The following SUSD4 variants were observed in gnomAD, a reference collection of about 807,000 sequenced individuals.
SUSD4 encodes sushi domain containing 4.
In SUSD4, 41 loss-of-function variants were observed where a neutral mutation model predicts 50.5. That is an observed-to-expected ratio of 0.81 (90% CI 0.63 to 1.05). SUSD4 has a LOEUF of 1.05. Among genes scored for constraint, SUSD4 ranks in the 50% least tolerant of loss-of-function variants. The probability of loss-of-function intolerance (pLI) is 0.00; values close to 1 mark genes in which losing one functional copy is unlikely to be tolerated. For missense variants in SUSD4, 580 were observed against 634.7 expected, an observed-to-expected ratio of 0.91 and a Z score of 0.93; for synonymous variants, 257 against 257.3, an observed-to-expected ratio of 1.00 and a Z score of 0.01.
chr1:223,337,572 A>G (rs1667529344), intron 2 of SUSD4, among the ~76,000 whole-genome samples: 1 of 152,200 alleles, frequency 6.6e-6, no homozygotes, highest in Non-Finnish European at 1.5e-5. Context: ...ACCTAACACC[A>G]GGGGAGTAAG....
chr1:223,229,348 G>A lies in SUSD4; in HGVS notation c.765C>T (p.Val255=). The change falls in exon 6 of 9, where the codon GTC becomes GTT. Residue 255 remains valine, a synonymous_variant. Transcript: ENST00000366878. This position sits in a 1 kb window ranked among gnomAD's most constrained non-coding sequence, Gnocchi z 4.7. ...LPPMVSHGDF[V]CHPRPCERYN... ...AGCGCTCACAAGGCCGCGGGTGGCA[G>A]ACGAAATCTCCGTGACTCACCATTG... The A allele has an allele frequency of 6.2e-7, 1 of 1,605,828 alleles. No individual in the cohort carries two copies. The highest frequency in any genetic ancestry group is 8.5e-7 in the Non-Finnish European group (1 of 1,173,578).
chr1:223,304,766 C>T (rs75624409), intron 2 of SUSD4, among the ~76,000 whole-genome samples: 4,937 of 112,642 alleles, frequency 0.044, 145 homozygotes, highest in East Asian at 0.12. Flanking sequence ...TGGGTAAGTT[C>T]CTTAACCTCT....
intron 3 of SUSD4, among the ~76,000 whole-genome samples, chr1:223,274,155 C>G (rs1571942975): frequency 6.6e-6 from 1 of 152,166 alleles, no homozygotes; most frequent in East Asian, 1.9e-4. Context: ...TTCTGCTGTT[C>G]TAAAGAACTG....
intron 2 of SUSD4, among the ~76,000 whole-genome samples, chr1:223,352,196 A>G (rs1315935589): frequency 6.6e-6 from 1 of 152,220 alleles, no homozygotes; most frequent in Non-Finnish European, 1.5e-5. Context: ...TGCAAAGGCA[A>G]CTGCTACAGA....
At position 223,289,273 on chromosome 1, in the gene SUSD4, A is replaced by G. The variant is rs567908110; in HGVS notation, c.361+3166T>C. The G allele has an allele frequency of 2.4e-5, 24 of 985,476 alleles. No individual in the cohort carries two copies. In the South Asian group the frequency reaches 7.5e-4, roughly 31 times the overall value. 61.0% of individuals were successfully genotyped at this position (985,476 alleles called of 1,614,324 possible). A position where few individuals can be genotyped will look rare whatever the true frequency, so the allele number is the denominator to read the frequency against. The stretch of plus-strand genomic sequence containing the variant: ...GTCATGCAGGCTCCAGTCTTGCAGA[A>G]GCAGCTTGAAGAAGCACAGACATCT... On this transcript the variant is annotated intron_variant, in intron 3 of 8. Transcript: ENST00000366878.
intron 2 of SUSD4, among the ~76,000 whole-genome samples, chr1:223,308,669 T>C (rs1424818641): frequency 6.6e-6 from 1 of 152,226 alleles, no homozygotes; most frequent in Non-Finnish European, 1.5e-5. Flanking sequence ...CCTCATTTTA[T>C]AGTAGAGAAA....
In SUSD4 at chr1:223,221,353, A is replaced by G. The variant is rs960936348; in HGVS notation, c.*839T>C. On this transcript the variant is annotated 3_prime_UTR_variant, in exon 9 of 9. Transcript: ENST00000366878. ...TAAGTGGAGTCTTTTTAAAATGCTG[A>G]AACAAAACATTACCTTGGTTACTGT... 1 of 363,076 alleles carries G rather than the reference A, an allele frequency of 2.8e-6. No individual in the cohort carries two copies. Among genetic ancestry groups the G allele is most frequent in the African/African-American group, 2.1e-5 (1 of 47,984 alleles). 22.5% of individuals were successfully genotyped at this position (363,076 alleles called of 1,614,324 possible).
At chr1:223,364,559 C>T (rs576666543), upstream of SUSD4, among the ~76,000 whole-genome samples, 1 of 150,498 alleles carries the variant, frequency 6.6e-6, no homozygotes, top group Non-Finnish European at 1.5e-5. This position sits in a 1 kb window ranked among gnomAD's most constrained non-coding sequence, Gnocchi z 4.5. Context: ...CGGTCTTGCA[C>T]ACGCACGCAG....
At chr1:223,331,553 A>G (rs1667173916) in intron 2 of SUSD4, among the ~76,000 whole-genome samples, 1 of 151,870 alleles carries the variant, frequency 6.6e-6, no homozygotes, top group South Asian at 2.1e-4. Context: ...CAGTCTTTCC[A>G]CTCCGCCTAC....
At chr1:223,354,589 G>T (rs1274913501) in intron 2 of SUSD4, among the ~76,000 whole-genome samples, 2 of 152,110 alleles carry the variant, frequency 1.3e-5, no homozygotes, top group Non-Finnish European at 2.9e-5. Context: ...CCAAGTATAT[G>T]CTGGCATGCT....
intron 2 of SUSD4, among the ~76,000 whole-genome samples, chr1:223,315,507 G>A (rs1166872880): frequency 3.3e-5 from 5 of 152,186 alleles, no homozygotes; most frequent in Admixed American, 1.3e-4. Flanking sequence ...CCACCCACAA[G>A]CAGACTCCCT....
At position 223,357,706 on chromosome 1, in the gene SUSD4, C is replaced by T. The variant is rs75695186; in HGVS notation, c.148+5572G>A. ...CTTTTGTCAATCACGCAGATGTCGGCCAACTTAAAATTTTGTCCCTTTTCC... is the reference window on the plus strand; with the variant it reads ...CTTTTGTCAATCACGCAGATGTCGGTCAACTTAAAATTTTGTCCCTTTTCC... On this transcript the variant is annotated intron_variant, in intron 2 of 8. Coordinates refer to ENST00000366878, the MANE Select transcript of SUSD4 (RefSeq NM_017982.4). Among the ~76,000 whole-genome samples the T allele has an allele frequency of 7.3e-3, 1,110 of 152,266 alleles. 9 individuals carry two copies. The highest frequency in any genetic ancestry group is 0.013 in the Non-Finnish European group (860 of 68,022).
rs991716675 is a variant in SUSD4, at chr1:223,264,448, T to C, written c.724+182A>G. ...AAGCCTAAGGATGAGGGAAGCAAGT[T>C]TTACATCTAATTGTAAATATGGCTT... On this transcript the variant is annotated intron_variant, in intron 5 of 8. Coordinates refer to ENST00000366878, the MANE Select transcript of SUSD4 (RefSeq NM_017982.4). 3 of 1,346,038 alleles carry C rather than the reference T, an allele frequency of 2.2e-6. No homozygotes were observed. The African/African-American group carries it at 4.4e-5, about 20-fold the overall frequency. The allele number at this position is 1,346,038 out of a possible 1,614,324, so 83.4% of individuals were successfully genotyped here. A position where few individuals can be genotyped will look rare whatever the true frequency, so the allele number is the denominator to read the frequency against.
Position 223,229,204 on chromosome 1 carries a change from G to A in SUSD4, c.909C>T (p.Ile303=). The change falls in exon 6 of 9, where the codon ATC becomes ATT. Residue 303 remains isoleucine, a synonymous_variant. Transcript: ENST00000366878. This position sits in a 1 kb window ranked among gnomAD's most constrained non-coding sequence, Gnocchi z 4.7. ...TGAGGCCTTCAGTCTTACCTGATTTGATGCAGTAGACTTGATAAGAAGGAA... is the reference window on the plus strand; with the variant it reads ...TGAGGCCTTCAGTCTTACCTGATTTAATGCAGTAGACTTGATAAGAAGGAA... ...EWFPSYQVYC[I]KSEQTWPSTH... is the part of the protein sequence containing the mutation. 2 of 1,599,632 alleles carry A rather than the reference G, an allele frequency of 1.3e-6. No individual in the cohort carries two copies. The highest frequency in any genetic ancestry group is 1.7e-6 in the Non-Finnish European group (2 of 1,167,838).
At position 223,292,595 on chromosome 1, in the gene SUSD4, T is replaced by C; in HGVS notation, c.205A>G (p.Thr69Ala). The C allele has an allele frequency of 6.2e-7, 1 of 1,613,850 alleles. No homozygotes were observed. The highest frequency in any genetic ancestry group is 1.1e-5 in the South Asian group (1 of 91,032). The change falls in exon 3 of 9, where the codon ACC (threonine) becomes GCC (alanine). Residue 69 changes from threonine to alanine, a missense_variant. Coordinates refer to ENST00000366878, the MANE Select transcript of SUSD4 (RefSeq NM_017982.4). ...TCAAAGAAAACCCCTCCGCTGGGGG[T>C]CCTGAAGCCATTCTCGGGAATGCCG... ...DPGIPENGFR[T>A]PSGGVFFEGS...
chr1:223,263,413 G>A (rs993533371), intron 5 of SUSD4, among the ~76,000 whole-genome samples: 1 of 152,216 alleles, frequency 6.6e-6, no homozygotes, highest in Non-Finnish European at 1.5e-5. Context: ...ATATCGACAT[G>A]CTCATATTAA....
chr1:223,264,923 G>A (rs1662385474), intron 4 of SUSD4, 105 bp from the exon 5 acceptor site: 2 of 1,178,032 alleles, frequency 1.7e-6, no homozygotes, highest in Non-Finnish European at 2.3e-6. Context: ...CACCTCTGAA[G>A]GTGAAAATGG....
At chr1:223,226,203 AT>A (rs1380186363) in intron 7 of SUSD4, among the ~76,000 whole-genome samples, 3 of 152,196 alleles carry the variant, frequency 2.0e-5, no homozygotes, top group Non-Finnish European at 4.4e-5. Context: ...AGATACTGTA[AT>A]TGCTCAATGA....
chr1:223,268,376 G>C, intron 4 of SUSD4, 126 bp downstream of exon 4: 2 of 1,252,852 alleles, frequency 1.6e-6, no homozygotes, highest in South Asian at 1.6e-5. Context: ...GGATCCATGT[G>C]GGGTAGATGG....
Sources: gnomAD v4.1 joint callset for allele counts (sites outside exome capture counted in the v4.1 genomes callset) on GRCh38, gnomAD v4.1.1 for gene constraint, Gnocchi (gnomAD v3.1) non-coding constraint, MANE v1.5 for transcripts, NCBI Gene and HGNC (gene_info 2026-07-23, HGNC 2026-07-21) for gene names.